ERG: variants seen among roughly 807,000 people sequenced by gnomAD.
The protein encoded by ERG is transcriptional regulator ERG.
Under a neutral mutation model 55.3 loss-of-function variants are expected in ERG, and 9 were observed. The observed-to-expected ratio is 0.16, with a 90% CI of 0.10 to 0.28. The LOEUF (loss-of-function observed/expected upper bound fraction) is 0.28. Ranked by LOEUF, ERG falls within the 10% of genes least tolerant of loss-of-function variation. The pLI, the probability that ERG is intolerant of heterozygous loss-of-function variation, is 1.00. For missense variants in ERG, 434 were observed against 631.6 expected (o/e 0.69, Z 3.35); for synonymous variants, 223 against 237.3 (o/e 0.94, Z 0.55).
At chr21:38,589,552 A>G (rs1187471634), upstream of ERG, among the ~76,000 whole-genome samples, 1 of 152,176 alleles carries the variant, frequency 6.6e-6, no homozygotes, top group East Asian at 1.9e-4. Flanking sequence ...AGGGCACATG[A>G]TATAATTCTG....
chr21:38,586,154 C>T (rs1268363952), upstream of ERG, among the ~76,000 whole-genome samples: 8 of 111,488 alleles, frequency 7.2e-5, no homozygotes, highest in Non-Finnish European at 1.3e-4. Context: ...ATATATTTAC[C>T]GTGTACAACA....
intron 1 of ERG, among the ~76,000 whole-genome samples, chr21:38,583,702 G>A (rs372493420): frequency 3.9e-5 from 6 of 152,114 alleles, no homozygotes; most frequent in Non-Finnish European, 8.8e-5. Flanking sequence ...GGTCATTAGT[G>A]ACCTAACCCA....
At chr21:38,517,183 T>C (rs1377074196) in intron 2 of ERG, among the ~76,000 whole-genome samples, 1 of 151,812 alleles carries the variant, frequency 6.6e-6, no homozygotes, top group Non-Finnish European at 1.5e-5. Flanking sequence ...AGACAACCTG[T>C]TGAATGGGAT....
intron 2 of ERG, among the ~76,000 whole-genome samples, chr21:38,443,751 G>A (rs2058863335): frequency 6.6e-6 from 1 of 150,576 alleles, no homozygotes; most frequent in African/African-American, 2.4e-5. Flanking sequence ...GTAACTCCAG[G>A]AATGAATCTC....
chr21:38,561,858 CACTA>C (rs1470682823), intron 2 of ERG, among the ~76,000 whole-genome samples: 2 of 152,172 alleles, frequency 1.3e-5, no homozygotes, highest in African/African-American at 2.4e-5. Flanking sequence ...TACAAAGAAT[CACTA>C]ACTAATAGCC....
At chr21:38,544,419 C>T (rs2059775140) in intron 2 of ERG, among the ~76,000 whole-genome samples, 1 of 152,132 alleles carries the variant, frequency 6.6e-6, no homozygotes, top group African/African-American at 2.4e-5. Flanking sequence ...GAGTCATGAT[C>T]CACGCACAGG....
At chr21:38,578,674 C>T (rs574077215) in intron 1 of ERG, among the ~76,000 whole-genome samples, 8 of 152,228 alleles carry the variant, frequency 5.3e-5, no homozygotes, top group Non-Finnish European at 7.4e-5. Flanking sequence ...ACCAAGACTA[C>T]GTTTGATCAT....
chr21:38,612,798 G>A (rs2060235777), intron 1 of ERG, among the ~76,000 whole-genome samples: 2 of 151,874 alleles, frequency 1.3e-5, no homozygotes, highest in African/African-American at 4.8e-5. Context: ...CAAGTAGCTG[G>A]GACTACAGGC....
chr21:38,462,708 G>A (rs1853726578), intron 1 of ERG, among the ~76,000 whole-genome samples: 1 of 152,138 alleles, frequency 6.6e-6, no homozygotes, highest in Admixed American at 6.5e-5. Flanking sequence ...CTGAGAGTCG[G>A]GGGTTGGCAT....
intron 2 of ERG, among the ~76,000 whole-genome samples, chr21:38,438,900 G>A (rs2058815309): frequency 6.6e-6 from 1 of 152,230 alleles, no homozygotes; most frequent in Non-Finnish European, 1.5e-5. Context: ...GTGCTGGGCT[G>A]CCACCCAGGT....
intron 1 of ERG, among the ~76,000 whole-genome samples, chr21:38,597,879 T>C (rs565045568): frequency 6.6e-6 from 1 of 152,340 alleles, no homozygotes; most frequent in East Asian, 1.9e-4. Flanking sequence ...TCATATAATT[T>C]AGAAATTACG....
intron 2 of ERG, among the ~76,000 whole-genome samples, chr21:38,521,417 C>T (rs2059593451): frequency 6.6e-6 from 1 of 152,290 alleles, no homozygotes; most frequent in African/African-American, 2.4e-5. Context: ...TTTCTAACTC[C>T]TTATTTCACA....
At chr21:38,531,899 G>A (rs2059674759) in intron 2 of ERG, among the ~76,000 whole-genome samples, 1 of 152,106 alleles carries the variant, frequency 6.6e-6, no homozygotes, top group Admixed American at 6.6e-5. Flanking sequence ...ACCCAGGCCA[G>A]GAAAAGCTTC....
chr21:38,467,690 CCAGTAA>C (rs1251916736), intron 1 of ERG, among the ~76,000 whole-genome samples: 1 of 152,162 alleles, frequency 6.6e-6, no homozygotes, highest in Non-Finnish European at 1.5e-5. Context: ...TTTGGGGCTT[CCAGTAA>C]CAGTAAGTAT....
chr21:38,536,407 T>C (rs1003612943), intron 2 of ERG, among the ~76,000 whole-genome samples: 10 of 152,200 alleles, frequency 6.6e-5, no homozygotes, highest in African/African-American at 2.2e-4. Context: ...CTCCTCTTTA[T>C]CTACCTTGAG....
intron 1 of ERG, chr21:38,660,496 C>A (rs931567017): frequency 3.3e-5 from 5 of 152,344 alleles, no homozygotes; most frequent in African/African-American, 1.2e-4. Context: ...GGGAGCCGGG[C>A]AGGTCGCGTG....
At position 38,451,001 on chromosome 21, in the gene ERG, C is replaced by G. The variant is rs1484578002; in HGVS notation, c.19-5380G>C. ...TGTGTCTGTGAATGGAATCATTCCC[C>G]AAGGCTGTAGACTGGCCACTACCTG... On this transcript the variant is annotated intron_variant, in intron 1 of 9. Coordinates refer to ENST00000288319, the MANE Select transcript of ERG (RefSeq NM_182918.4). 6.9e-6 allele frequency: 3 copies of G among 436,332 alleles called. No individual in the cohort carries two copies. The East Asian group carries it at 2.1e-4, about 30-fold the overall frequency. The allele number at this position is 436,332 out of a possible 1,614,324, so 27.0% of individuals were successfully genotyped here.
chr21:38,381,120 G>A lies in ERG; in HGVS notation c.*2283C>T, dbSNP rs1987412868. On this transcript the variant is annotated 3_prime_UTR_variant, in exon 10 of 10. Coordinates refer to ENST00000288319, the MANE Select transcript of ERG (RefSeq NM_182918.4). ...CGGGGTGTCAGGAGCATTGGTAATC[G>A]TGTCCTGCCGACTTCAAAGCCCACT... 4 of 1,064,564 alleles carry A rather than the reference G, an allele frequency of 3.8e-6. No homozygotes were observed. The highest frequency in any genetic ancestry group is 4.6e-6 in the Non-Finnish European group (4 of 878,876). 65.9% of individuals were successfully genotyped at this position (1,064,564 alleles called of 1,614,324 possible). A position where few individuals can be genotyped will look rare whatever the true frequency, so the allele number is the denominator to read the frequency against.
At chr21:38,388,602 A>C (rs1396106280) in intron 9 of ERG, among the ~76,000 whole-genome samples, 2 of 152,264 alleles carry the variant, frequency 1.3e-5, no homozygotes, top group Admixed American at 6.5e-5. Context: ...TGAGCACAAC[A>C]GACACAAACC....
Sources: allele counts gnomAD v4.1 joint callset (sites outside exome capture counted in the v4.1 genomes callset), GRCh38; gene constraint gnomAD v4.1.1; transcripts MANE v1.5; gene names NCBI Gene and HGNC (gene_info 2026-07-23, HGNC 2026-07-21).